The following CKAP5 variants were observed in gnomAD, a reference collection of about 807,000 sequenced individuals.
The protein encoded by CKAP5 is cytoskeleton associated protein 5.
A neutral mutation model predicts 232.8 loss-of-function variants in CKAP5; 27 were observed. The observed-to-expected ratio is 0.12, with a 90% CI of 0.09 to 0.16. CKAP5 has a LOEUF of 0.16. Ranked by LOEUF, CKAP5 falls within the 10% of genes least tolerant of loss-of-function variation. CKAP5 has a pLI of 1.00. For missense variants in CKAP5, 1,838 were observed against 2,424.7 expected, an observed-to-expected ratio of 0.76 and a Z score of 5.08; for synonymous variants, 785 against 841.1, an observed-to-expected ratio of 0.93 and a Z score of 1.16.
At chr11:46,750,175 T>G in intron 42 of CKAP5, 99 bp downstream of exon 42, 26 of 1,192,638 alleles carry the variant, frequency 2.2e-5, no homozygotes, top group Non-Finnish European at 3.0e-5. Flanking sequence ...CATTAAGTAT[T>G]GAGGTTCATG....
chr11:46,808,900 T>C (rs1437837499), intron 7 of CKAP5, among the ~76,000 whole-genome samples: 1 of 152,160 alleles, frequency 6.6e-6, no homozygotes, highest in Non-Finnish European at 1.5e-5. Flanking sequence ...GTTTCTCAAC[T>C]GGGGATGATT....
chr11:46,796,505 T>C (rs910490247), intron 12 of CKAP5, among the ~76,000 whole-genome samples: 1 of 151,014 alleles, frequency 6.6e-6, no homozygotes, highest in Non-Finnish European at 1.5e-5. Flanking sequence ...GAAACTTAAA[T>C]TCTCAAAAGC....
At chr11:46,765,872 C>T (rs2065198866) in intron 27 of CKAP5, among the ~76,000 whole-genome samples, 1 of 152,142 alleles carries the variant, frequency 6.6e-6, no homozygotes, top group Non-Finnish European at 1.5e-5. Context: ...TTAATGACAT[C>T]TTGAATGGCA....
chr11:46,829,945 C>G (rs533535526), intron 1 of CKAP5, among the ~76,000 whole-genome samples: 15 of 151,480 alleles, frequency 9.9e-5, no homozygotes, highest in Admixed American at 7.9e-4. Flanking sequence ...AAAGAAATCA[C>G]GTTGTAATCC....
At chr11:46,755,833 G>A (rs2065106517) in intron 35 of CKAP5, among the ~76,000 whole-genome samples, 1 of 152,066 alleles carries the variant, frequency 6.6e-6, no homozygotes, top group Non-Finnish European at 1.5e-5. Flanking sequence ...GGAGGCTGAG[G>A]CAGGAGAATT....
intron 4 of CKAP5, among the ~76,000 whole-genome samples, chr11:46,815,470 C>T (rs896917051): frequency 6.6e-6 from 1 of 152,078 alleles, no homozygotes; most frequent in Non-Finnish European, 1.5e-5. Flanking sequence ...CCCACCTCAG[C>T]TTCTTTATAG....
intron 31 of CKAP5, 122 bp from the exon 32 acceptor site, chr11:46,762,315 G>A: frequency 9.1e-7 from 1 of 1,104,258 alleles, no homozygotes; most frequent in Middle Eastern, 2.4e-4. Flanking sequence ...GCTCTGCCTA[G>A]GATTTTTTGT....
intron 2 of CKAP5, among the ~76,000 whole-genome samples, chr11:46,820,032 T>G (rs1939491767): frequency 1.3e-5 from 2 of 152,162 alleles, no homozygotes; most frequent in Non-Finnish European, 2.9e-5. Flanking sequence ...CACACGAGAT[T>G]GAAAAACTCT....
At chr11:46,806,169 A>G (rs1475677227) in intron 8 of CKAP5, among the ~76,000 whole-genome samples, 1 of 152,148 alleles carries the variant, frequency 6.6e-6, no homozygotes, top group Non-Finnish European at 1.5e-5. Context: ...TCAGAAATCT[A>G]TTGTCTGTCT....
intron 16 of CKAP5, among the ~76,000 whole-genome samples, chr11:46,787,796 T>C (rs143392829): frequency 4.9e-4 from 75 of 152,356 alleles, no homozygotes; most frequent in Non-Finnish European, 9.3e-4. Flanking sequence ...TATAAAGTTA[T>C]ACAGTTGACC....
intron 16 of CKAP5, among the ~76,000 whole-genome samples, chr11:46,785,105 C>T (rs1025776840): frequency 1.3e-5 from 2 of 152,104 alleles, no homozygotes; most frequent in Non-Finnish European, 2.9e-5. Context: ...ACATGCAACA[C>T]AGAACTTCAG....
intron 1 of CKAP5, among the ~76,000 whole-genome samples, chr11:46,836,748 T>C (rs1464667131): frequency 8.5e-5 from 13 of 152,192 alleles, no homozygotes; most frequent in Admixed American, 7.9e-4. Flanking sequence ...AGTCTTACCA[T>C]ATGATCCAGC....
intron 23 of CKAP5, among the ~76,000 whole-genome samples, chr11:46,776,693 G>C (rs2065293853): frequency 6.6e-6 from 1 of 152,002 alleles, no homozygotes; most frequent in Admixed American, 6.6e-5. Flanking sequence ...AGTAGTTGGG[G>C]GCATTTACGT....
chr11:46,810,738 A>G (rs958591283), intron 5 of CKAP5, among the ~76,000 whole-genome samples: 1 of 152,202 alleles, frequency 6.6e-6, no homozygotes, highest in African/African-American at 2.4e-5. Context: ...AGACACTCTC[A>G]TTAGTTCATT....
At chr11:46,815,813 C>T (rs1300768051) in intron 4 of CKAP5, among the ~76,000 whole-genome samples, 2 of 152,136 alleles carry the variant, frequency 1.3e-5, no homozygotes, top group Admixed American at 6.5e-5. Flanking sequence ...TGTTTAAACC[C>T]GGAATCCAAA....
intron 1 of CKAP5, among the ~76,000 whole-genome samples, chr11:46,830,079 A>G (rs1446603051): frequency 6.6e-6 from 1 of 152,064 alleles, no homozygotes; most frequent in Non-Finnish European, 1.5e-5. Flanking sequence ...CACATATATC[A>G]TTATGGGCAA....
intron 3 of CKAP5, among the ~76,000 whole-genome samples, chr11:46,817,016 G>A (rs1939418097): frequency 6.6e-6 from 1 of 151,584 alleles, no homozygotes; most frequent in Admixed American, 6.6e-5. Flanking sequence ...TGAGGCAGGA[G>A]AATCACTTGA....
intron 26 of CKAP5, among the ~76,000 whole-genome samples, chr11:46,768,171 T>A (rs2065219744): frequency 6.6e-6 from 1 of 152,132 alleles, no homozygotes. Context: ...AAAATCTGTA[T>A]CTCATTTACC....
chr11:46,812,984 ACT>A (rs1393388261), intron 4 of CKAP5, among the ~76,000 whole-genome samples: 1 of 151,772 alleles, frequency 6.6e-6, no homozygotes, highest in Non-Finnish European at 1.5e-5. Flanking sequence ...ATAGTGTCTC[ACT>A]CTGTTAACCA....
Sources: allele counts gnomAD v4.1 joint callset (sites outside exome capture counted in the v4.1 genomes callset), GRCh38; gene constraint gnomAD v4.1.1; transcripts MANE v1.5; gene names NCBI Gene and HGNC (gene_info 2026-07-23, HGNC 2026-07-21).